Variants in USP32 observed in about 807,000 individuals in gnomAD.
The protein encoded by USP32 is ubiquitin specific peptidase 32, also known as ubiquitin carboxyl-terminal hydrolase 32.
A neutral mutation model predicts 204.8 loss-of-function variants in USP32; 59 were observed. That is an observed-to-expected ratio of 0.29 (90% CI 0.23 to 0.36). The LOEUF (loss-of-function observed/expected upper bound fraction) is 0.36. Among genes scored for constraint, USP32 ranks in the 10% least tolerant of loss-of-function variants. The probability of loss-of-function intolerance (pLI) is 1.00; values close to 1 mark genes in which losing one functional copy is unlikely to be tolerated. For synonymous variants in USP32, 517 were observed against 678.4 expected (o/e 0.76, Z 3.70); for missense variants, 1,160 against 1,946.4 (o/e 0.60, Z 7.60).
intron 1 of USP32, among the ~76,000 whole-genome samples, chr17:60,376,634 C>T (rs1261455753): frequency 6.6e-6 from 1 of 151,970 alleles, no homozygotes; most frequent in Non-Finnish European, 1.5e-5. Context: ...AGCAATTCTC[C>T]TGCCTTAGCC....
chr17:60,339,808 A>G (rs912643299), intron 2 of USP32, among the ~76,000 whole-genome samples: 4 of 152,160 alleles, frequency 2.6e-5, no homozygotes, highest in Non-Finnish European at 2.9e-5. Context: ...TAAAGTGGTT[A>G]TCCTTTTTAA....
intron 11 of USP32, among the ~76,000 whole-genome samples, chr17:60,243,238 T>C (rs1237673691): frequency 6.6e-6 from 1 of 152,236 alleles, no homozygotes; most frequent in Non-Finnish European, 1.5e-5. Flanking sequence ...GAACTCATTT[T>C]ATTAATTCTA....
At position 60,234,663 on chromosome 17, in the gene USP32, G is replaced by A. The variant is rs1007674442; in HGVS notation, c.1239+1475C>T. ...AAGAATGGCGTGAACCTGGAAGGCG[G>A]AGCTTGCAGTGAGCCGAGATCGCGC... On this transcript the variant is annotated intron_variant, in intron 12 of 33. Coordinates refer to ENST00000300896, the MANE Select transcript of USP32 (RefSeq NM_032582.4). Among the ~76,000 whole-genome samples, 12 of 151,790 alleles carry A rather than the reference G, an allele frequency of 7.9e-5. 1 individual carries two copies. In the South Asian group the frequency reaches 2.5e-3, roughly 32 times the overall value.
chr17:60,388,180 A>G (rs909218272), intron 1 of USP32, among the ~76,000 whole-genome samples: 9 of 152,170 alleles, frequency 5.9e-5, no homozygotes, highest in African/African-American at 1.7e-4. Flanking sequence ...TCAGCTACTA[A>G]GAGCAATATA....
chr17:60,271,914 C>T (rs1443279350), intron 5 of USP32, among the ~76,000 whole-genome samples: 1 of 151,856 alleles, frequency 6.6e-6, no homozygotes, highest in Admixed American at 6.6e-5. Flanking sequence ...TGGGCTCAAG[C>T]CATCTTCCCA....
intron 30 of USP32, 74 bp from the exon 31 acceptor site, chr17:60,183,527 TC>T: frequency 6.7e-7 from 1 of 1,484,748 alleles, no homozygotes; most frequent in Non-Finnish European, 9.1e-7. Flanking sequence ...AAAAAACAAG[TC>T]AAATACATGT....
intron 1 of USP32, among the ~76,000 whole-genome samples, chr17:60,345,944 C>T (rs1598270387): frequency 1.3e-5 from 2 of 151,438 alleles, no homozygotes; most frequent in Non-Finnish European, 2.9e-5. Context: ...ACCATGCCGC[C>T]GCACTCCAGC....
At chr17:60,243,473 T>C (rs2085931293) in intron 11 of USP32, among the ~76,000 whole-genome samples, 1 of 152,208 alleles carries the variant, frequency 6.6e-6, no homozygotes, top group Non-Finnish European at 1.5e-5. Flanking sequence ...TTAAGTATGA[T>C]CTCAGCTGTA....
chr17:60,407,840 G>A (rs2089990621), intron 1 of USP32, among the ~76,000 whole-genome samples: 1 of 146,892 alleles, frequency 6.8e-6, no homozygotes, highest in South Asian at 2.2e-4. Context: ...GCTCACGCAT[G>A]TAATTCCAGC....
intron 1 of USP32, among the ~76,000 whole-genome samples, chr17:60,359,674 T>C (rs1004957806): frequency 3.3e-5 from 5 of 151,912 alleles, no homozygotes; most frequent in Admixed American, 3.3e-4. Flanking sequence ...AGCATGGTGG[T>C]GTGCACCTGT....
intron 1 of USP32, among the ~76,000 whole-genome samples, chr17:60,413,862 AAAAAAAAAAAAAAG>A (rs1476139433): frequency 7.3e-6 from 1 of 136,878 alleles, no homozygotes; most frequent in African/African-American, 2.9e-5. Context: ...ATTCTGTCTC[AAAAAAAAAAAAAAG>A]AAAAAAAAAA....
In USP32 at chr17:60,344,868, T is replaced by C. The variant is rs185739980; in HGVS notation, c.186+613A>G. Among the ~76,000 whole-genome samples, 7 of 152,262 alleles carry C rather than the reference T, an allele frequency of 4.6e-5. No homozygotes were observed. The East Asian group carries it at 1.4e-3, about 29-fold the overall frequency. On this transcript the variant is annotated intron_variant, in intron 2 of 33. Coordinates refer to ENST00000300896, the MANE Select transcript of USP32 (RefSeq NM_032582.4). ...TTTTAGAGACAGTGTCTCACTATGT[T>C]GCCTAGACTGGACTCGAGTTCTTGG...
intron 27 of USP32, among the ~76,000 whole-genome samples, chr17:60,196,837 A>T (rs2084532884): frequency 6.6e-6 from 1 of 151,916 alleles, no homozygotes; most frequent in African/African-American, 2.4e-5. Flanking sequence ...AAAAATACAA[A>T]ATAAAAATAA....
In USP32 at chr17:60,392,046, C is replaced by A; in HGVS notation, c.-107G>T. ...TGACGGTGACGGTGTCGGCGTCCCC[C>A]GCCCCCACCTCCCCCCACACTAACA... On this transcript the variant is annotated 5_prime_UTR_variant, in exon 1 of 34. Coordinates refer to ENST00000300896, the MANE Select transcript of USP32 (RefSeq NM_032582.4). 1 of 1,334,036 alleles carries A rather than the reference C, an allele frequency of 7.5e-7. No individual in the cohort carries two copies. Among genetic ancestry groups the A allele is most frequent in the Non-Finnish European group, 1.0e-6 (1 of 974,142 alleles). 82.6% of individuals were successfully genotyped at this position (1,334,036 alleles called of 1,614,324 possible). A position where few individuals can be genotyped will look rare whatever the true frequency, so the allele number is the denominator to read the frequency against.
At chr17:60,336,063 T>C (rs960934238) in intron 2 of USP32, among the ~76,000 whole-genome samples, 2 of 143,114 alleles carry the variant, frequency 1.4e-5, no homozygotes, top group Non-Finnish European at 3.0e-5. Context: ...TAAGTAATTA[T>C]ACATAAGGTA....
chr17:60,282,403 G>A (rs545592053), intron 5 of USP32, among the ~76,000 whole-genome samples: 6 of 152,054 alleles, frequency 3.9e-5, no homozygotes, highest in Non-Finnish European at 7.4e-5. Flanking sequence ...TGCCAGACTG[G>A]AGTGCAGTGG....
At chr17:60,366,747 G>GTT (rs370187966) in intron 1 of USP32, among the ~76,000 whole-genome samples, 1 of 145,200 alleles carries the variant, frequency 6.9e-6, no homozygotes, top group African/African-American at 2.5e-5. Context: ...AAAAAAGTTG[G>GTT]TTTTTTTTTT....
At chr17:60,305,133 A>G (rs1186459757) in intron 2 of USP32, 2 of 152,228 alleles carry the variant, frequency 1.3e-5, no homozygotes, top group Non-Finnish European at 2.9e-5. Flanking sequence ...GCATTGCTAT[A>G]AAGGAATACC....
rs988220819 is a variant in USP32, at chr17:60,399,972, C to CT, written c.106+22273dup. On this transcript the variant is annotated intron_variant, in intron 1 of 3. Transcript: ENST00000588898. ...TTGGAATGGAGAAGAGATCTGTCAT[C>CT]TTTTTTTTTTGAGATGGAGTCTTGC... 5.2e-3 allele frequency among the ~76,000 whole-genome samples: 778 copies of CT among 148,944 alleles called. 3 individuals carry two copies. The highest frequency in any genetic ancestry group is 8.7e-3 in the Admixed American group (129 of 14,904).
Sources: allele counts gnomAD v4.1 joint callset (sites outside exome capture counted in the v4.1 genomes callset), GRCh38; gene constraint gnomAD v4.1.1; transcripts MANE v1.5; gene names NCBI Gene and HGNC (gene_info 2026-07-23, HGNC 2026-07-21).